The following ZNF644 variants were observed in gnomAD, a reference collection of about 807,000 sequenced individuals.
The protein encoded by ZNF644 is zinc finger protein 644, also known as zinc finger motif enhancer binding protein 2.
ZNF644 carries 20 observed loss-of-function variants against 108.0 expected under a neutral mutation model. The ratio of observed to expected loss-of-function variants is 0.19; its 90% CI spans 0.13 to 0.27. ZNF644 has a LOEUF of 0.27. Ranked by LOEUF, ZNF644 falls within the 10% of genes least tolerant of loss-of-function variation. ZNF644 has a pLI of 1.00. For missense variants in ZNF644, 1,338 were observed against 1,548.9 expected (o/e 0.86, Z 2.29); for synonymous variants, 542 against 539.1 (o/e 1.01, Z -0.08).
chr1:90,967,894 CA>C (rs147387016), intron 2 of ZNF644, among the ~76,000 whole-genome samples: 23,890 of 123,362 alleles, frequency 0.19, 2,104 homozygotes, highest in Middle Eastern at 0.32. Context: ...AAAAAAAATA[CA>C]AAAAAAAAAA....
At chr1:91,010,081 T>C (rs1018744974) in intron 1 of ZNF644, among the ~76,000 whole-genome samples, 1 of 152,154 alleles carries the variant, frequency 6.6e-6, no homozygotes, top group African/African-American at 2.4e-5. Flanking sequence ...TTCTATTCAA[T>C]GATCTTCAGT....
At chr1:90,950,409 T>C (rs964019061) in intron 2 of ZNF644, among the ~76,000 whole-genome samples, 8 of 151,154 alleles carry the variant, frequency 5.3e-5, no homozygotes, top group Admixed American at 5.3e-4. Context: ...TTTTTTTAAT[T>C]TCAAAGTGTT....
chr1:90,956,641 G>C (rs1325206863), intron 2 of ZNF644, among the ~76,000 whole-genome samples: 1 of 152,056 alleles, frequency 6.6e-6, no homozygotes, highest in South Asian at 2.1e-4. Context: ...TATTACCTTA[G>C]GAAAAAGAAG....
chr1:90,961,070 T>C (rs965169229), intron 2 of ZNF644, among the ~76,000 whole-genome samples: 5 of 152,064 alleles, frequency 3.3e-5, no homozygotes, highest in Admixed American at 2.0e-4. Context: ...GAAATGAAGA[T>C]GGAGGAAAGA....
Position 90,940,484 on chromosome 1 carries a change from T to G in ZNF644, c.870A>C (p.Lys290Asn), listed in dbSNP as rs143972479. The G allele has an allele frequency of 2.5e-6, 4 of 1,613,572 alleles. No individual in the cohort carries two copies. The highest frequency in any genetic ancestry group is 3.4e-6 in the Non-Finnish European group (4 of 1,179,908). The change falls in exon 3 of 6, where the codon AAA becomes AAC. Residue 290 changes from lysine to asparagine, a missense_variant. By Grantham distance (94) the Lys-to-Asn change is moderately conservative. Transcript: ENST00000337393. The stretch of plus-strand genomic sequence containing the variant: ...TGCTTACATCCATTTTTCGCTTTCT[T>G]TTTTTTTCTAGACCTATTTTAGAAT... ...PPHSKIGLEK[K>N]RKRKMDVSKI...
At chr1:90,951,111 A>G (rs1241115735) in intron 2 of ZNF644, among the ~76,000 whole-genome samples, 1 of 152,214 alleles carries the variant, frequency 6.6e-6, no homozygotes, top group Non-Finnish European at 1.5e-5. Flanking sequence ...TACATCCAGA[A>G]TCCAATCACT....
chr1:90,952,140 T>A (rs1653241657), intron 2 of ZNF644, among the ~76,000 whole-genome samples: 1 of 152,214 alleles, frequency 6.6e-6, no homozygotes, highest in African/African-American at 2.4e-5. Flanking sequence ...CAAATACATT[T>A]ATTTGAATTT....
chr1:90,920,086 T>C (rs191362961), intron 4 of ZNF644, among the ~76,000 whole-genome samples: 148 of 152,144 alleles, frequency 9.7e-4, no homozygotes, highest in Non-Finnish European at 8.2e-4. Flanking sequence ...TATGAGTGAT[T>C]CATACACTAG....
chr1:90,970,931 C>T (rs527492606), intron 2 of ZNF644, among the ~76,000 whole-genome samples: 3 of 130,082 alleles, frequency 2.3e-5, no homozygotes, highest in South Asian at 5.1e-4. Flanking sequence ...ACCCGGGAGG[C>T]GGAGATTACA....
chr1:91,015,509 C>T (rs770916882), intron 1 of ZNF644, among the ~76,000 whole-genome samples: 4 of 152,180 alleles, frequency 2.6e-5, no homozygotes, highest in Non-Finnish European at 4.4e-5. Context: ...CACATGGCCT[C>T]ACAGTCAAAA....
At chr1:90,933,354 T>G (rs2100890308) in intron 4 of ZNF644, among the ~76,000 whole-genome samples, 2 of 152,236 alleles carry the variant, frequency 1.3e-5, no homozygotes, top group Middle Eastern at 3.4e-3. Context: ...TTCACCAGAA[T>G]AGTCCCCATT....
intron 4 of ZNF644, among the ~76,000 whole-genome samples, chr1:90,930,441 G>A (rs1276145942): frequency 3.9e-5 from 6 of 152,190 alleles, no homozygotes; most frequent in African/African-American, 1.4e-4. Context: ...AAGTGATCTA[G>A]AGAGAAAAAT....
intron 1 of ZNF644, among the ~76,000 whole-genome samples, chr1:90,985,238 G>C (rs184200955): frequency 6.6e-6 from 1 of 152,214 alleles, no homozygotes; most frequent in African/African-American, 2.4e-5. Context: ...GTGATGTTTT[G>C]ACATATGCTT....
chr1:90,917,141 T>C (rs1648863496), intron 5 of ZNF644, 151 bp from the exon 6 acceptor site: 4 of 784,142 alleles, frequency 5.1e-6, no homozygotes, highest in Non-Finnish European at 8.3e-6. Context: ...TAATAAAACA[T>C]CAAAACTCCC....
rs574537214 is a variant in ZNF644 at position 90,940,817 on chromosome 1, T to C, written c.537A>G (p.Ser179=). The change falls in exon 3 of 6, where the codon TCA becomes TCG. Residue 179 remains serine (S), a synonymous_variant. Coordinates refer to ENST00000337393, the MANE Select transcript of ZNF644 (RefSeq NM_201269.3). The part of the protein sequence containing the change: ...ASQHQVLFLL[S]DVAHAKNPTH... ...TGGGATTCTTAGCATGTGCTACATCTGATAACAAAAATAAAACTTGGTGTT... is the reference window on the plus strand; with the variant it reads ...TGGGATTCTTAGCATGTGCTACATCCGATAACAAAAATAAAACTTGGTGTT... The C allele has an allele frequency of 2.1e-4, 347 of 1,614,020 alleles. 6 individuals are homozygous for C. In the South Asian group the frequency reaches 3.5e-3, roughly 16 times the overall value.
chr1:90,967,291 C>T (rs1655004076), intron 2 of ZNF644, among the ~76,000 whole-genome samples: 1 of 152,194 alleles, frequency 6.6e-6, no homozygotes, highest in Non-Finnish European at 1.5e-5. Flanking sequence ...AACTCATAAT[C>T]TCATCAGATC....
At chr1:90,971,769 T>C (rs763123495) in intron 2 of ZNF644, among the ~76,000 whole-genome samples, 1 of 151,938 alleles carries the variant, frequency 6.6e-6, no homozygotes, top group Non-Finnish European at 1.5e-5. Context: ...GCCAGAGCAC[T>C]TAGGGGAGGG....
intron 1 of ZNF644, among the ~76,000 whole-genome samples, chr1:90,983,506 A>T (rs761373808): frequency 9.9e-5 from 15 of 151,218 alleles, no homozygotes; most frequent in Non-Finnish European, 1.5e-4. Context: ...AAAAAAGAAG[A>T]AGTCTTTGTA....
At chr1:90,986,276 A>G (rs1557632979) in intron 1 of ZNF644, among the ~76,000 whole-genome samples, 1 of 152,016 alleles carries the variant, frequency 6.6e-6, no homozygotes, top group Non-Finnish European at 1.5e-5. Context: ...ATCATAGAGT[A>G]TATCTGACCA....
Sources: gnomAD v4.1 joint callset for allele counts (sites outside exome capture counted in the v4.1 genomes callset) on GRCh38, gnomAD v4.1.1 for gene constraint, MANE v1.5 for transcripts, NCBI Gene and HGNC (gene_info 2026-07-23, HGNC 2026-07-21) for gene names.